XPO6: variants seen among roughly 807,000 people sequenced by gnomAD.
The protein encoded by XPO6 is exportin 6.
In XPO6, 3 loss-of-function variants were observed where a neutral mutation model predicts 130.0. The observed-to-expected ratio is 0.02, with a 90% CI of 0.01 to 0.06. XPO6 has a LOEUF of 0.06. XPO6 is among the 10% of genes least tolerant of loss of function. The probability of loss-of-function intolerance (pLI) is 1.00; values close to 1 mark genes in which losing one functional copy is unlikely to be tolerated. For synonymous variants in XPO6, 524 were observed against 548.9 expected, an observed-to-expected ratio of 0.95 and a Z score of 0.63; for missense variants, 970 against 1,393.0, an observed-to-expected ratio of 0.70 and a Z score of 4.83.
intron 1 of XPO6, among the ~76,000 whole-genome samples, chr16:28,200,485 C>T (rs2043937557): frequency 6.6e-6 from 1 of 151,720 alleles, no homozygotes; most frequent in Non-Finnish European, 1.5e-5. Flanking sequence ...CTTTTTCTTT[C>T]TTTCTTTTTT....
intron 8 of XPO6, among the ~76,000 whole-genome samples, chr16:28,151,418 G>A (rs777265607): frequency 1.5e-4 from 23 of 152,080 alleles, no homozygotes; most frequent in Non-Finnish European, 3.1e-4. Context: ...CACACACAAC[G>A]CAAACGAAGC....
chr16:28,181,186 T>G, intron 1 of XPO6, 155 bp from the exon 2 acceptor site: 1 of 515,662 alleles, frequency 1.9e-6, no homozygotes, highest in South Asian at 3.3e-5. Flanking sequence ...CAGAAAAAAC[T>G]GAAGGGAATT....
At chr16:28,139,617 A>G (rs968751533) in intron 9 of XPO6, among the ~76,000 whole-genome samples, 1 of 152,228 alleles carries the variant, frequency 6.6e-6, no homozygotes, top group African/African-American at 2.4e-5. Flanking sequence ...TAAAACCTCA[A>G]TATAAAGAAG....
intron 2 of XPO6, among the ~76,000 whole-genome samples, chr16:28,179,664 A>G (rs2043585923): frequency 6.6e-6 from 1 of 152,232 alleles, no homozygotes; most frequent in African/African-American, 2.4e-5. Context: ...GGGTGGGTGG[A>G]GCCCTTTGAA....
intron 1 of XPO6, among the ~76,000 whole-genome samples, chr16:28,186,264 C>T (rs1191472254): frequency 2.6e-5 from 4 of 151,814 alleles, no homozygotes; most frequent in Non-Finnish European, 5.9e-5. Flanking sequence ...CTCCTGCCTA[C>T]GTTACTATAA....
At chr16:28,160,500 T>C (rs2043258277) in intron 6 of XPO6, among the ~76,000 whole-genome samples, 2 of 53,516 alleles carry the variant, frequency 3.7e-5, no homozygotes, top group Non-Finnish European at 6.1e-5. Context: ...TGAGACTCCA[T>C]CACCAAAAAA....
At position 28,156,059 on chromosome 16, in the gene XPO6, A is replaced by G; in HGVS notation, c.1097+15T>C. ...CTTTCTTGGGGCACACCAGCTCCACACTTGGTTTCATTACCTCTCATCGAG... is the reference window on the plus strand; with the variant it reads ...CTTTCTTGGGGCACACCAGCTCCACGCTTGGTTTCATTACCTCTCATCGAG... On this transcript the variant is annotated intron_variant, in intron 7 of 23. Coordinates refer to ENST00000304658, the MANE Select transcript of XPO6 (RefSeq NM_015171.4). The G allele has an allele frequency of 6.3e-7, 1 of 1,580,006 alleles. No homozygotes were observed. The highest frequency in any genetic ancestry group is 1.2e-5 in the South Asian group (1 of 84,470).
Position 28,098,446 on chromosome 16 carries a change from GA to G in XPO6, c.*91del. ...TGCGGTGGGAGAAGCCAAGGAGTGT[GA>G]CCAAGGCCCATCTGGGAGACATCTG... On this transcript the variant is annotated 3_prime_UTR_variant, in exon 24 of 24. Coordinates refer to ENST00000304658, the MANE Select transcript of XPO6 (RefSeq NM_015171.4). 8.5e-7 allele frequency: 1 copy of G among 1,171,770 alleles called. No homozygotes were observed. Among genetic ancestry groups the G allele is most frequent in the Non-Finnish European group, 1.2e-6 (1 of 813,234 alleles). 72.6% of individuals were successfully genotyped at this position (1,171,770 alleles called of 1,614,324 possible). A position where few individuals can be genotyped will look rare whatever the true frequency, so the allele number is the denominator to read the frequency against.
intron 5 of XPO6, among the ~76,000 whole-genome samples, chr16:28,169,019 A>G (rs1055251833): frequency 6.6e-6 from 1 of 152,194 alleles, no homozygotes; most frequent in African/African-American, 2.4e-5. Context: ...TCCAAGAAGA[A>G]GCCTGGATAA....
At chr16:28,158,008 G>A (rs902527180) in intron 6 of XPO6, among the ~76,000 whole-genome samples, 3 of 152,224 alleles carry the variant, frequency 2.0e-5, no homozygotes, top group African/African-American at 7.2e-5. Flanking sequence ...GGAATGCAGA[G>A]TCAGGTATCA....
Position 28,152,691 on chromosome 16 carries a change from A to C in XPO6, c.1192T>G (p.Leu398Val), listed in dbSNP as rs1445964001. ...AATGTGTACTTGAACAAAAGTGTCA[A>C]AAACTCCACCACAGGGAACTGGGAG... Reference protein sequence around the residue: ...SYSQFPVVEFLTLLFKYTFHQ... With the variant: ...SYSQFPVVEFVTLLFKYTFHQ... The change falls in exon 8 of 24, where the codon TTG (leucine) becomes GTG (valine). Residue 398 changes from leucine to valine, a missense_variant. By Grantham distance (32) the Leu-to-Val change is conservative. This residue lies in a region of XPO6 where 936 missense variants were observed against 1,306.8 expected (regional missense o/e 0.72). Transcript: ENST00000304658. 3 of 1,613,064 alleles carry C rather than the reference A, an allele frequency of 1.9e-6. No individual in the cohort carries two copies. The South Asian group carries it at 3.3e-5, about 18-fold the overall frequency.
chr16:28,209,814 A>G (rs889101545), intron 1 of XPO6, among the ~76,000 whole-genome samples: 6 of 152,122 alleles, frequency 3.9e-5, no homozygotes, highest in Non-Finnish European at 8.8e-5. Flanking sequence ...CTGATTTGCC[A>G]CAATTCATAC....
At chr16:28,197,821 A>T (rs2043889543) in intron 1 of XPO6, among the ~76,000 whole-genome samples, 1 of 149,460 alleles carries the variant, frequency 6.7e-6, no homozygotes, top group South Asian at 2.1e-4. Context: ...TGGGAGGCTG[A>T]GGCAGGAAAA....
chr16:28,121,118 T>C (rs1011538748), intron 14 of XPO6, among the ~76,000 whole-genome samples: 12 of 152,396 alleles, frequency 7.9e-5, no homozygotes, highest in African/African-American at 2.9e-4. Flanking sequence ...AGAGTTTCTG[T>C]AGGTAGAGAG....
chr16:28,139,612 C>T (rs2042847881), intron 9 of XPO6, among the ~76,000 whole-genome samples: 1 of 151,986 alleles, frequency 6.6e-6, no homozygotes, highest in African/African-American at 2.4e-5. Flanking sequence ...ATATGTAAAA[C>T]CTCAATATAA....
rs757601660 is a variant in XPO6 at position 28,135,337 on chromosome 16, G to C, written c.1335-13C>G. The C allele has an allele frequency of 8.1e-6, 13 of 1,610,194 alleles. No homozygotes were observed. Among genetic ancestry groups the C allele is most frequent in the Non-Finnish European group, 9.3e-6 (11 of 1,177,106 alleles). ...GGCATCTTCGTACCTATGTGGCAGG[G>C]AGAAATTCAACATTGAAAGGAGGCT... On this transcript the variant is annotated splice_polypyrimidine_tract_variant and intron_variant, in intron 9 of 23. Transcript: ENST00000304658.
chr16:28,210,966 A>T (rs1246606556), intron 1 of XPO6, among the ~76,000 whole-genome samples: 1 of 152,232 alleles, frequency 6.6e-6, no homozygotes, highest in Non-Finnish European at 1.5e-5. Flanking sequence ...GAGCTGGGGA[A>T]TTAATTGCTC....
chr16:28,209,162 G>C (rs2044083112), intron 1 of XPO6: 1 of 152,114 alleles, frequency 6.6e-6, no homozygotes, highest in African/African-American at 2.4e-5. Flanking sequence ...ACTAAAGTAG[G>C]GCAGGGGAGA....
chr16:28,143,068 A>G (rs893801055), intron 9 of XPO6, among the ~76,000 whole-genome samples: 1 of 152,272 alleles, frequency 6.6e-6, no homozygotes, highest in African/African-American at 2.4e-5. Flanking sequence ...TGTTTAAAAA[A>G]GAATAAATCA....
Sources: gnomAD v4.1 joint callset for allele counts (sites outside exome capture counted in the v4.1 genomes callset) on GRCh38, gnomAD v4.1.1 for gene constraint, gnomAD v4.1.1 regional missense constraint, MANE v1.5 for transcripts, NCBI Gene and HGNC (gene_info 2026-07-23, HGNC 2026-07-21) for gene names.